Variants in FOXP2 observed in about 807,000 individuals in gnomAD.
FOXP2 encodes the protein forkhead box protein P2.
In FOXP2, 12 loss-of-function variants were observed where a neutral mutation model predicts 115.8. The ratio of observed to expected loss-of-function variants is 0.10; its 90% confidence interval spans 0.07 to 0.17. The LOEUF is 0.17. Among genes scored for constraint, FOXP2 ranks in the 10% least tolerant of loss-of-function variants. The pLI, the probability that FOXP2 is intolerant of heterozygous loss-of-function variation, is 1.00. For missense variants in FOXP2, 629 were observed against 843.5 expected (o/e 0.75, Z 3.15); for synonymous variants, 328 against 297.7 (o/e 1.10, Z -1.05).
intron 3 of FOXP2, among the ~76,000 whole-genome samples, chr7:114,610,827 G>T (rs1359231140): frequency 6.6e-6 from 1 of 151,716 alleles, no homozygotes; most frequent in South Asian, 2.1e-4. Context: ...AGAGATGGGG[G>T]TTTCCCCATA....
intron 9 of FOXP2, chr7:114,653,515 G>A (rs769258483): frequency 6.4e-5 from 20 of 310,088 alleles, no homozygotes; most frequent in Non-Finnish European, 1.1e-4. Context: ...GAAGTGTGTA[G>A]ACAATCCTGG....
At chr7:114,476,083 C>G (rs2129233681) in intron 2 of FOXP2, among the ~76,000 whole-genome samples, 1 of 146,492 alleles carries the variant, frequency 6.8e-6, no homozygotes, top group Non-Finnish European at 1.5e-5. Flanking sequence ...TCTGTGGATA[C>G]TTGGGTTTTT....
At chr7:114,231,132 C>T (rs2129165847) in intron 1 of FOXP2, among the ~76,000 whole-genome samples, 1 of 151,980 alleles carries the variant, frequency 6.6e-6, no homozygotes, top group South Asian at 2.1e-4. Flanking sequence ...AAAACAATAT[C>T]ATTTAAAATA....
chr7:114,354,859 A>G (rs1353827799), intron 2 of FOXP2, among the ~76,000 whole-genome samples: 1 of 152,162 alleles, frequency 6.6e-6, no homozygotes, highest in East Asian at 1.9e-4. Context: ...AAAGGTATAT[A>G]TTTTGGACAG....
chr7:114,473,691 A>T (rs73436109), intron 2 of FOXP2, among the ~76,000 whole-genome samples: 9,448 of 152,072 alleles, frequency 0.062, 924 homozygotes, highest in African/African-American at 0.21. Context: ...CAAGAACCAT[A>T]CCATGGTAGC....
At chr7:114,269,382 G>A (rs906850782) in intron 1 of FOXP2, among the ~76,000 whole-genome samples, 1 of 152,142 alleles carries the variant, frequency 6.6e-6, no homozygotes, top group Non-Finnish European at 1.5e-5. Flanking sequence ...AGTTTAAGGA[G>A]CTCTTTTCCT....
chr7:114,386,144 C>T (rs534008818), intron 2 of FOXP2, among the ~76,000 whole-genome samples: 11 of 152,122 alleles, frequency 7.2e-5, no homozygotes, highest in Non-Finnish European at 1.3e-4. Context: ...TGGGAGTCGG[C>T]GGTGGGTCTG....
chr7:114,221,276 G>GT (rs1349802612), intron 1 of FOXP2, among the ~76,000 whole-genome samples: 1 of 151,896 alleles, frequency 6.6e-6, no homozygotes. Flanking sequence ...TTACTTTGTG[G>GT]TTTTTTTATT....
intron 8 of FOXP2, among the ~76,000 whole-genome samples, chr7:114,646,135 A>G (rs1035320057): frequency 4.0e-5 from 6 of 149,512 alleles, no homozygotes; most frequent in Admixed American, 6.7e-5. Context: ...ATTATTTCCC[A>G]TTTCCTCATG....
At chr7:114,444,082 A>T (rs570355817) in intron 2 of FOXP2, among the ~76,000 whole-genome samples, 1 of 152,292 alleles carries the variant, frequency 6.6e-6, no homozygotes. Flanking sequence ...AGAATGTAAG[A>T]TGTTTGAGGC....
At chr7:114,095,381 C>T (rs1370879944) in intron 1 of FOXP2, among the ~76,000 whole-genome samples, 1 of 151,968 alleles carries the variant, frequency 6.6e-6, no homozygotes, top group East Asian at 1.9e-4. Context: ...AAAATAAAAA[C>T]TATTTAAACA....
At chr7:114,100,560 C>A (rs1799755646) in intron 1 of FOXP2, among the ~76,000 whole-genome samples, 1 of 152,098 alleles carries the variant, frequency 6.6e-6, no homozygotes. Flanking sequence ...AGTTATCCAG[C>A]ATGTAAAGAT....
At chr7:114,414,424 T>C (rs1287111914), upstream of FOXP2, 1 of 152,548 alleles carries the variant, frequency 6.6e-6, no homozygotes, top group Non-Finnish European at 1.5e-5. Context: ...CAAACACCAT[T>C]AGCTGAAAAT....
rs185666761 is a variant in FOXP2, at chr7:114,524,849, A to G, written c.169-9768A>G. 2.5e-4 allele frequency among the ~76,000 whole-genome samples: 38 copies of G among 152,256 alleles called. 1 individual carries two copies. The East Asian group carries it at 6.4e-3, about 26-fold the overall frequency. ...AAGATTCTTTTGTGCAAGTGACCCTATACATTGGGTGTATTGTATATGTGC... is the reference window on the plus strand; with the variant it reads ...AAGATTCTTTTGTGCAAGTGACCCTGTACATTGGGTGTATTGTATATGTGC... On this transcript the variant is annotated intron_variant, in intron 2 of 16. Transcript: ENST00000350908.
intron 1 of FOXP2, among the ~76,000 whole-genome samples, chr7:114,248,855 A>C (rs1795358472): frequency 6.6e-6 from 1 of 152,160 alleles, no homozygotes; most frequent in Non-Finnish European, 1.5e-5. Context: ...ATTAATTATT[A>C]TTATTTCAAA....
chr7:114,642,335 T>A, intron 6 of FOXP2, 75 bp from the exon 7 acceptor site: 1 of 1,159,292 alleles, frequency 8.6e-7, no homozygotes. Context: ...TATTAATCTA[T>A]TAATAACACA....
At chr7:114,270,968 A>G (rs1331189711) in intron 1 of FOXP2, among the ~76,000 whole-genome samples, 2 of 148,340 alleles carry the variant, frequency 1.3e-5, no homozygotes, top group Non-Finnish European at 3.0e-5. Context: ...GTCTCAATTC[A>G]TTTTTTTTTT....
At chr7:114,290,800 C>T (rs922218359) in intron 2 of FOXP2, among the ~76,000 whole-genome samples, 1 of 152,020 alleles carries the variant, frequency 6.6e-6, no homozygotes, top group African/African-American at 2.4e-5. Flanking sequence ...GAACAAATCA[C>T]CAAGGCTCTT....
chr7:114,218,976 T>C (rs1445044368), intron 1 of FOXP2, among the ~76,000 whole-genome samples: 1 of 152,118 alleles, frequency 6.6e-6, no homozygotes, highest in Non-Finnish European at 1.5e-5. Flanking sequence ...GACCCTGCAG[T>C]CTCCTCCCCA....
Sources: allele counts gnomAD v4.1 joint callset (sites outside exome capture counted in the v4.1 genomes callset), GRCh38; gene constraint gnomAD v4.1.1; transcripts MANE v1.5; gene names NCBI Gene and HGNC (gene_info 2026-07-23, HGNC 2026-07-21).